The following ADPGK variants were observed in gnomAD, a reference collection of about 807,000 sequenced individuals.
ADPGK encodes ADP dependent glucokinase.
ADPGK carries 26 observed loss-of-function variants against 42.4 expected under a neutral mutation model. The ratio of observed to expected loss-of-function variants is 0.61; its 90% CI spans 0.45 to 0.85. The LOEUF is 0.85. Among genes scored for constraint, ADPGK ranks in the 40% least tolerant of loss-of-function variants. The pLI, the probability that ADPGK is intolerant of heterozygous loss-of-function variation, is 0.00. For missense variants in ADPGK, 571 were observed against 627.0 expected (o/e 0.91, Z 0.95); for synonymous variants, 267 against 252.6 (o/e 1.06, Z -0.54).
intron 6 of ADPGK, among the ~76,000 whole-genome samples, chr15:72,753,130 T>C (rs2066069204): frequency 6.6e-6 from 1 of 152,206 alleles, no homozygotes; most frequent in Non-Finnish European, 1.5e-5. Context: ...TGCAGTCTTT[T>C]GTGATATGCC....
chr15:72,765,297 C>T (rs986854540), intron 3 of ADPGK, among the ~76,000 whole-genome samples: 1 of 152,046 alleles, frequency 6.6e-6, no homozygotes, highest in South Asian at 2.1e-4. Context: ...TACAGGTGTG[C>T]ACCACCACAC....
In ADPGK at chr15:72,752,576, A is replaced by C. The variant is rs770734500; in HGVS notation, c.1259T>G (p.Ile420Arg). The C allele has an allele frequency of 3.1e-5, 50 of 1,613,992 alleles. No individual in the cohort carries two copies. The highest frequency in any genetic ancestry group is 4.0e-5 in the Non-Finnish European group (47 of 1,180,038). Reference sequence around the variant, plus strand: ...CCTCAGAGACACTCGGCTGGTGTCTATGGTTTCTGTGGCGCAGGCCTGTGT... The same window carrying C: ...CCTCAGAGACACTCGGCTGGTGTCTCTGGTTTCTGTGGCGCAGGCCTGTGT... ...AGTQACATET[I>R]DTSRVSLRAP... Residue 420 changes from isoleucine to arginine, a missense_variant, in exon 7 of 7, where the codon ATA (isoleucine) becomes AGA (arginine). Physicochemically the swap from Ile to Arg is moderately conservative, Grantham distance 97 (BLOSUM62 -3). Coordinates refer to ENST00000456471, the MANE Select transcript of ADPGK (RefSeq NM_001365225.1).
Position 72,783,534 on chromosome 15 carries a change from G to C in ADPGK, c.158C>G (p.Pro53Arg), listed in dbSNP as rs1351496234. 2.0e-6 allele frequency: 3 copies of C among 1,490,084 alleles called. No homozygotes were observed. In the East Asian group the frequency reaches 8.5e-5, roughly 42 times the overall value. The allele number at this position is 1,490,084 out of a possible 1,614,324, so 92.3% of individuals were successfully genotyped here. ...CCAGGCTGCCGCCAACCGGCCCTCG[G>C]GGGAGACGGGTCCCGGGGGCGCAGG... The part of the protein sequence containing the change: ...PAPAPPGPVS[P>R]EGRLAAAWDA... Residue 53 changes from proline to arginine, a missense_variant, in exon 1 of 7, where the codon CCC (proline) becomes CGC (arginine). Pro to Arg is a moderately radical substitution (Grantham distance 103). Coordinates refer to ENST00000456471, the MANE Select transcript of ADPGK (RefSeq NM_001365225.1).
chr15:72,769,448 C>T (rs981093067), intron 3 of ADPGK, among the ~76,000 whole-genome samples: 3 of 152,146 alleles, frequency 2.0e-5, no homozygotes, highest in East Asian at 1.9e-4. Context: ...CGGGTTCGAG[C>T]GATTCTCCTG....
intron 1 of ADPGK, among the ~76,000 whole-genome samples, chr15:72,777,332 G>C (rs991935400): frequency 3.9e-5 from 6 of 152,270 alleles, no homozygotes; most frequent in Middle Eastern, 3.4e-3. Flanking sequence ...ATGGATTTGG[G>C]TCCCGAGTCT....
At chr15:72,782,549 C>CAA (rs1272027126) in intron 1 of ADPGK, among the ~76,000 whole-genome samples, 2 of 118,080 alleles carry the variant, frequency 1.7e-5, no homozygotes, top group South Asian at 2.4e-4. Context: ...AAAAAAAAAA[C>CAA]CCCAAAATTA....
chr15:72,754,305 G>A (rs542523679), intron 6 of ADPGK, among the ~76,000 whole-genome samples: 17 of 152,174 alleles, frequency 1.1e-4, no homozygotes, highest in African/African-American at 2.4e-4. Context: ...CGCCCCCGCC[G>A]CCCCACACAC....
At chr15:72,783,117 C>G (rs916669335) in intron 1 of ADPGK, 2 of 746,972 alleles carry the variant, frequency 2.7e-6, no homozygotes, top group African/African-American at 1.9e-5. Flanking sequence ...TGGGTAAGGT[C>G]AAGTATCTTT....
At chr15:72,776,308 A>C (rs28737436) in intron 1 of ADPGK, among the ~76,000 whole-genome samples, 24,367 of 152,080 alleles carry the variant, frequency 0.16, 2,556 homozygotes, top group African/African-American at 0.29. Context: ...TATCATGGTC[A>C]TCTTTATTCC....
At chr15:72,761,984 G>A (rs1362629519) in intron 3 of ADPGK, among the ~76,000 whole-genome samples, 3 of 152,146 alleles carry the variant, frequency 2.0e-5, no homozygotes, top group Non-Finnish European at 4.4e-5. Flanking sequence ...CAATTCTCCT[G>A]CCTCAGCCTC....
intron 3 of ADPGK, among the ~76,000 whole-genome samples, chr15:72,767,416 C>T (rs571702781): frequency 1.6e-4 from 24 of 149,274 alleles, no homozygotes; most frequent in Admixed American, 7.3e-4. Context: ...ATATAGAAGA[C>T]TTGAACAACA....
chr15:72,760,609 TC>T (rs2066180668), intron 3 of ADPGK, 82 bp from the exon 4 acceptor site: 9 of 1,427,346 alleles, frequency 6.3e-6, no homozygotes, highest in Non-Finnish European at 8.4e-6. Context: ...GACAGTACAT[TC>T]AGGCTGATTC....
At chr15:72,764,079 T>C (rs2066228257) in intron 3 of ADPGK, among the ~76,000 whole-genome samples, 1 of 152,220 alleles carries the variant, frequency 6.6e-6, no homozygotes, top group Non-Finnish European at 1.5e-5. Context: ...GGCCAGTTAA[T>C]AACCCTACAA....
intron 1 of ADPGK, among the ~76,000 whole-genome samples, chr15:72,776,625 G>A (rs2066395739): frequency 6.6e-6 from 1 of 152,058 alleles, no homozygotes. Flanking sequence ...ATTCCTTTTA[G>A]AATTTTTAAA....
chr15:72,766,653 ATTTTATTGCAGTATTTG>A (rs1259133688), intron 3 of ADPGK, among the ~76,000 whole-genome samples: 1 of 152,228 alleles, frequency 6.6e-6, no homozygotes, highest in Non-Finnish European at 1.5e-5. Flanking sequence ...CATGCGTTTT[ATTTTATTGCAGTATTTG>A]TTTTATTGCA....
At chr15:72,759,699 A>G (rs1374795018) in intron 4 of ADPGK, among the ~76,000 whole-genome samples, 1 of 130,396 alleles carries the variant, frequency 7.7e-6, no homozygotes, top group Non-Finnish European at 1.9e-5. Flanking sequence ...AATGTGTTGA[A>G]TCAGAAACTC....
At chr15:72,752,991 G>A in intron 6 of ADPGK, 96 bp from the exon 7 acceptor site, 6 of 1,286,900 alleles carry the variant, frequency 4.7e-6, no homozygotes, top group Admixed American at 2.7e-5. Context: ...AGGGAACACA[G>A]GCAGGCAGCT....
intron 3 of ADPGK, 139 bp downstream of exon 3, chr15:72,771,644 C>T: frequency 3.0e-6 from 2 of 667,594 alleles, no homozygotes; most frequent in South Asian, 2.0e-5. Flanking sequence ...ACTATTACTG[C>T]TTCCTAACAA....
Position 72,752,531 on chromosome 15 carries a change from G to C in ADPGK, c.1304C>G (p.Thr435Ser). ...VSLRAPQEFM[T>S]SHSEAGSRIV... ...CCTGGAGCCTGCCTCCGAATGGGAA[G>C]TCATGAACTCTTGGGGTGCCCTCAG... Residue 435 changes from threonine (T) to serine (S), a missense_variant, in exon 7 of 7, where the codon ACT becomes AGT. Thr to Ser is a moderately conservative substitution (Grantham distance 58). Around this residue, in one of 2 missense-constraint regions of ADPGK, gnomAD observed 434 missense variants for 522.7 expected, o/e 0.83. Coordinates refer to ENST00000456471, the MANE Select transcript of ADPGK (RefSeq NM_001365225.1). 6.2e-7 allele frequency: 1 copy of C among 1,614,224 alleles called. No homozygotes were observed. The highest frequency in any genetic ancestry group is 8.5e-7 in the Non-Finnish European group (1 of 1,180,052).
Sources: gnomAD v4.1 joint callset for allele counts (sites outside exome capture counted in the v4.1 genomes callset) on GRCh38, gnomAD v4.1.1 for gene constraint, gnomAD v4.1.1 regional missense constraint, MANE v1.5 for transcripts, NCBI Gene and HGNC (gene_info 2026-07-23, HGNC 2026-07-21) for gene names.